TRMT2B: variants seen among roughly 807,000 people sequenced by gnomAD.
The protein encoded by TRMT2B is tRNA (uracil-5-)-methyltransferase homolog B.
A neutral mutation model predicts 39.7 loss-of-function variants in TRMT2B; 34 were observed. That is an observed-to-expected ratio of 0.86 (90% CI 0.65 to 1.14). The LOEUF is 1.14. Ranked by LOEUF, TRMT2B falls within the 50% of genes most tolerant of loss-of-function variation. The pLI is 0.00. For synonymous variants in TRMT2B, 132 were observed against 137.3 expected, an observed-to-expected ratio of 0.96 and a Z score of 0.27; for missense variants, 318 against 377.2, an observed-to-expected ratio of 0.84 and a Z score of 1.30.
chrX:101,016,642 GTTTT>G (rs397827366), intron 13 of TRMT2B, among the ~76,000 whole-genome samples: 1 of 57,618 alleles, frequency 1.7e-5, no homozygotes, highest in Non-Finnish European at 3.2e-5. Context: ...AATTTTCGTG[GTTTT>G]TTTTTTTTTT....
chrX:101,019,115 G>T (rs1415285641), intron 12 of TRMT2B, 45 bp from the exon 13 acceptor site: 10 of 1,096,471 alleles, frequency 9.1e-6, no homozygotes, highest in Non-Finnish European at 1.3e-5. Flanking sequence ...AACTACCATG[G>T]TCTCTGTTAT....
At chrX:101,011,195 A>G (rs778091964) in intron 13 of TRMT2B, among the ~76,000 whole-genome samples, 1 of 111,842 alleles carries the variant, frequency 8.9e-6, no homozygotes, top group African/African-American at 3.2e-5. Flanking sequence ...CTGTGTGAAC[A>G]TAATAGAGCA....
chrX:100,994,565 AG>A, the TRMT2B span, among the ~76,000 whole-genome samples: 1 of 111,625 alleles, frequency 9.0e-6, no homozygotes, highest in Non-Finnish European at 1.9e-5. Flanking sequence ...TTCATGTGTT[AG>A]GTCTACCTGC....
At chrX:101,004,263 A>AAAC in the TRMT2B span, among the ~76,000 whole-genome samples, 8,026 of 105,702 alleles carry the variant, frequency 0.076, 331 homozygotes, top group Admixed American at 0.11. Flanking sequence ...GTTTTTGGGA[A>AAAC]AACAACAACA....
chrX:101,044,008 C>T (rs1381375559), intron 2 of TRMT2B, among the ~76,000 whole-genome samples: 1 of 111,400 alleles, frequency 9.0e-6, no homozygotes, highest in East Asian at 2.8e-4. Context: ...CTTTGGGAGG[C>T]CAGAGCGGGC....
intron 7 of TRMT2B, among the ~76,000 whole-genome samples, chrX:101,028,384 G>A (rs1452172609): frequency 9.0e-6 from 1 of 110,793 alleles, no homozygotes; most frequent in Non-Finnish European, 1.9e-5. Context: ...CTCCCAAAGT[G>A]CTGGAATTAC....
the TRMT2B span, among the ~76,000 whole-genome samples, chrX:100,973,497 G>A: frequency 9.0e-5 from 10 of 110,799 alleles, no homozygotes; most frequent in Admixed American, 1.9e-4. Flanking sequence ...CCCGGCGGTC[G>A]GGCGGCGGCG....
intron 7 of TRMT2B, among the ~76,000 whole-genome samples, chrX:101,026,001 AAG>A (rs1193051385): frequency 3.9e-5 from 4 of 101,568 alleles, no homozygotes; most frequent in African/African-American, 1.1e-4. Context: ...GAGGGAAAGA[AAG>A]AGAGACAGAA....
intron 2 of TRMT2B, among the ~76,000 whole-genome samples, chrX:101,048,306 C>A (rs1218555353): frequency 9.0e-6 from 1 of 111,049 alleles, no homozygotes; most frequent in Non-Finnish European, 1.9e-5. Flanking sequence ...TGGGGGATTT[C>A]AAATTTTTTA....
chrX:101,043,874 G>A (rs1405396377), intron 2 of TRMT2B, among the ~76,000 whole-genome samples: 1 of 112,287 alleles, frequency 8.9e-6, no homozygotes, highest in Admixed American at 9.5e-5. Flanking sequence ...ATAAAACATG[G>A]ACTTTATTGT....
the TRMT2B span, among the ~76,000 whole-genome samples, chrX:100,995,987 T>G: frequency 1.8e-5 from 2 of 108,948 alleles, no homozygotes; most frequent in Non-Finnish European, 3.9e-5. Flanking sequence ...TTTAGAAAAT[T>G]GTCATGCTGA....
rs930472019 is a variant in TRMT2B, at chrX:101,022,670, G to A, written c.757-608C>T. On this transcript the variant is annotated intron_variant, in intron 8 of 13. Coordinates refer to ENST00000372936, the MANE Select transcript of TRMT2B (RefSeq NM_024917.6). The stretch of plus-strand genomic sequence containing the variant: ...AAATTAGCCAGGTGTGGTGACGTAT[G>A]CCTGTAGTCCCAGTTACTTGAGAGG... 1.1e-3 allele frequency among the ~76,000 whole-genome samples: 121 copies of A among 109,825 alleles called. 1 individual carries two copies. The highest frequency in any genetic ancestry group is 3.0e-3 in the African/African-American group (91 of 30,265).
chrX:101,041,173 C>A, intron 4 of TRMT2B, 144 bp downstream of exon 4: 1 of 466,327 alleles, frequency 2.1e-6, no homozygotes, highest in South Asian at 4.9e-5. Context: ...CACTGAACTG[C>A]AGCCTGGGCG....
At chrX:100,996,155 G>T in the TRMT2B span, among the ~76,000 whole-genome samples, 1 of 110,000 alleles carries the variant, frequency 9.1e-6, no homozygotes, top group Non-Finnish European at 1.9e-5. Context: ...TATGTTAAAT[G>T]AAATAAGCCA....
At chrX:100,997,265 T>C in the TRMT2B span, among the ~76,000 whole-genome samples, 3 of 112,118 alleles carry the variant, frequency 2.7e-5, no homozygotes, top group Non-Finnish European at 5.6e-5. Context: ...AACTTTGCAT[T>C]TTGAAATAAT....
At chrX:101,015,652 G>A in intron 13 of TRMT2B, 1 of 747,934 alleles carries the variant, frequency 1.3e-6, no homozygotes. Flanking sequence ...CTTAGATTAA[G>A]GAAAAAAGTC....
intron 7 of TRMT2B, among the ~76,000 whole-genome samples, chrX:101,031,476 G>T (rs1302534863): frequency 1.8e-5 from 2 of 112,203 alleles, no homozygotes. Flanking sequence ...GGGAGGCAAA[G>T]GTCGGCAGAT....
the TRMT2B span, chrX:100,988,389 G>A: frequency 3.3e-6 from 4 of 1,204,290 alleles, no homozygotes; most frequent in Non-Finnish European, 3.4e-6. Context: ...AAGAAGGTAC[G>A]AGATTATGGT....
At chrX:101,026,391 G>A (rs770299314) in intron 7 of TRMT2B, among the ~76,000 whole-genome samples, 2 of 106,244 alleles carry the variant, frequency 1.9e-5, no homozygotes, top group Admixed American at 2.1e-4. Context: ...CAGGAGAATC[G>A]CTGGAACGCA....
Sources: gnomAD v4.1 joint callset for allele counts (sites outside exome capture counted in the v4.1 genomes callset) on GRCh38, gnomAD v4.1.1 for gene constraint, MANE v1.5 for transcripts, NCBI Gene and HGNC (gene_info 2026-07-23, HGNC 2026-07-21) for gene names.